TRABD2B: variants seen among roughly 807,000 people sequenced by gnomAD.
TRABD2B encodes the protein TraB domain containing 2B.
TRABD2B carries 14 observed loss-of-function variants against 40.1 expected under a neutral mutation model. The observed-to-expected ratio is 0.35, with a 90% CI of 0.23 to 0.55. The LOEUF (loss-of-function observed/expected upper bound fraction) is 0.55, where lower values mean the gene tolerates loss of function less well. TRABD2B is among the 20% of genes least tolerant of loss of function. The probability of loss-of-function intolerance (pLI) is 0.90; values close to 1 mark genes in which losing one functional copy is unlikely to be tolerated. For synonymous variants in TRABD2B, 263 were observed against 277.0 expected, an observed-to-expected ratio of 0.95 and a Z score of 0.50; for missense variants, 541 against 648.6, an observed-to-expected ratio of 0.83 and a Z score of 1.80.
chr1:47,979,615 C>G (rs1192580852), intron 2 of TRABD2B, among the ~76,000 whole-genome samples: 1 of 152,190 alleles, frequency 6.6e-6, no homozygotes, highest in Admixed American at 6.5e-5. Context: ...GGGGCTGGGG[C>G]GAACATCAGG....
At position 47,769,721 on chromosome 1, in the gene TRABD2B, G is replaced by A. The variant is rs143305700; in HGVS notation, c.1350-3615C>T. On this transcript the variant is annotated intron_variant, in intron 6 of 6. Transcript: ENST00000606738. ...CACAGATGGCTGGCACCAAGAGGCC[G>A]CATCGGCTCTGAGTCAACAGGGACC... is the stretch of plus-strand genomic sequence containing the variant. Among the ~76,000 whole-genome samples the A allele has an allele frequency of 1.0e-3, 156 of 152,366 alleles. 1 individual carries two copies. The highest frequency in any genetic ancestry group is 3.5e-3 in the African/African-American group (144 of 41,588).
chr1:47,956,301 A>C (rs1213940916), intron 2 of TRABD2B, among the ~76,000 whole-genome samples: 1 of 152,200 alleles, frequency 6.6e-6, no homozygotes, highest in African/African-American at 2.4e-5. Flanking sequence ...AGTGACGCAG[A>C]AGACGGGTGA....
chr1:47,876,176 A>G (rs889337313), intron 2 of TRABD2B, among the ~76,000 whole-genome samples: 25 of 152,226 alleles, frequency 1.6e-4, no homozygotes, highest in African/African-American at 5.8e-4. Flanking sequence ...AGCTTGAACA[A>G]GCGCGTCACC....
At chr1:47,971,185 C>A (rs1645677246) in intron 2 of TRABD2B, among the ~76,000 whole-genome samples, 1 of 152,190 alleles carries the variant, frequency 6.6e-6, no homozygotes, top group South Asian at 2.1e-4. Context: ...ACAGTATACT[C>A]CCCCAATACT....
intron 2 of TRABD2B, among the ~76,000 whole-genome samples, chr1:47,983,793 A>G (rs1302904099): frequency 6.6e-6 from 1 of 151,240 alleles, no homozygotes; most frequent in Non-Finnish European, 1.5e-5. Flanking sequence ...GGAACAGACT[A>G]ACACTAGAAG....
At chr1:47,958,551 G>C (rs958064147) in intron 2 of TRABD2B, among the ~76,000 whole-genome samples, 1 of 140,930 alleles carries the variant, frequency 7.1e-6, no homozygotes, top group Admixed American at 7.3e-5. Context: ...AAAAAGCAGG[G>C]GTTGCAATCC....
rs1228355933 is a variant in TRABD2B, at chr1:47,996,579, G to A, written c.102+109C>T. ...CCCGAGGCTGCGCCCGGGGGGTGGAGGTGGAGCGGGCGGGCTAAGGTGGGT... is the reference window on the plus strand; with the variant it reads ...CCCGAGGCTGCGCCCGGGGGGTGGAAGTGGAGCGGGCGGGCTAAGGTGGGT... On this transcript the variant is annotated intron_variant, in intron 1 of 6. Transcript: ENST00000606738. The surrounding 1 kb of genome is among the most constrained non-coding windows in gnomAD (Gnocchi z 4.6). 8.8e-7 allele frequency: 1 copy of A among 1,141,964 alleles called. No homozygotes were observed. The highest frequency in any genetic ancestry group is 4.4e-5 in the South Asian group (1 of 22,592). The allele number at this position is 1,141,964 out of a possible 1,614,324, so 70.7% of individuals were successfully genotyped here.
intron 2 of TRABD2B, among the ~76,000 whole-genome samples, chr1:47,990,339 C>T (rs1439601279): frequency 1.3e-5 from 2 of 152,138 alleles, no homozygotes; most frequent in Non-Finnish European, 2.9e-5. Flanking sequence ...TAGTGGCAGC[C>T]GGTACCAGTC....
At chr1:47,970,645 G>C (rs115758292) in intron 2 of TRABD2B, among the ~76,000 whole-genome samples, 2,060 of 152,274 alleles carry the variant, frequency 0.014, 22 homozygotes, top group Admixed American at 0.024. Context: ...ATTTTCACTT[G>C]CACGTCTGTG....
chr1:47,894,413 A>T (rs1644489945), intron 2 of TRABD2B, among the ~76,000 whole-genome samples: 1 of 152,202 alleles, frequency 6.6e-6, no homozygotes, highest in African/African-American at 2.4e-5. Flanking sequence ...AGTTCTTGTT[A>T]TTCTTATAGC....
chr1:47,888,536 C>A (rs771014351), intron 2 of TRABD2B, among the ~76,000 whole-genome samples: 1 of 152,200 alleles, frequency 6.6e-6, no homozygotes, highest in Non-Finnish European at 1.5e-5. Flanking sequence ...CCTGTCCCTT[C>A]TTCAGATCTC....
chr1:47,996,973 C>A lies in TRABD2B; in HGVS notation c.-184G>T. On this transcript the variant is annotated 5_prime_UTR_variant, in exon 1 of 7. Transcript: ENST00000606738. This position sits in a 1 kb window ranked among gnomAD's most constrained non-coding sequence, Gnocchi z 4.6. The stretch of plus-strand genomic sequence containing the variant: ...CTGGGGGTTTCTCTGGGGCCGGGCT[C>A]CGTCTGTTGGAAGAGGGAGACCCTC... The A allele has an allele frequency of 1.8e-6, 2 of 1,104,668 alleles. No individual in the cohort carries two copies. The highest frequency in any genetic ancestry group is 2.2e-6 in the Non-Finnish European group (2 of 908,046). 68.4% of individuals were successfully genotyped at this position (1,104,668 alleles called of 1,614,324 possible). A position where few individuals can be genotyped will look rare whatever the true frequency, so the allele number is the denominator to read the frequency against.
intron 2 of TRABD2B, among the ~76,000 whole-genome samples, chr1:47,896,980 C>T (rs1644531000): frequency 6.6e-6 from 1 of 152,174 alleles, no homozygotes; most frequent in Admixed American, 6.5e-5. Context: ...ATTCAGCATG[C>T]AACAGGCCCA....
intron 3 of TRABD2B, chr1:47,795,712 T>A: frequency 1.0e-6 from 1 of 985,368 alleles, no homozygotes; most frequent in Non-Finnish European, 1.2e-6. Context: ...TCATCACTTT[T>A]GATTTTCCCA....
chr1:47,992,213 G>A (rs1469941189), intron 2 of TRABD2B, among the ~76,000 whole-genome samples: 1 of 152,186 alleles, frequency 6.6e-6, no homozygotes, highest in Non-Finnish European at 1.5e-5. Flanking sequence ...TAGAATTGGA[G>A]TCTGTTTGAT....
Position 47,996,941 on chromosome 1 carries a change from G to A in TRABD2B, c.-152C>T. On this transcript the variant is annotated 5_prime_UTR_variant, in exon 1 of 7. Transcript: ENST00000606738. This position sits in a 1 kb window ranked among gnomAD's most constrained non-coding sequence, Gnocchi z 4.6. ...CTCTGGGGCGTGGCTGACTGTCCCT[G>A]TCGGACCTGGGGGTTTCTCTGGGGC... is the stretch of plus-strand genomic sequence containing the variant. The A allele has an allele frequency of 8.9e-7, 1 of 1,118,360 alleles. No homozygotes were observed. Among genetic ancestry groups the A allele is most frequent in the Non-Finnish European group, 1.1e-6 (1 of 916,332 alleles). 69.3% of individuals were successfully genotyped at this position (1,118,360 alleles called of 1,614,324 possible). A position where few individuals can be genotyped will look rare whatever the true frequency, so the allele number is the denominator to read the frequency against.
At chr1:47,956,296 C>T (rs1466802289) in intron 2 of TRABD2B, among the ~76,000 whole-genome samples, 1 of 152,138 alleles carries the variant, frequency 6.6e-6, no homozygotes, top group Non-Finnish European at 1.5e-5. Flanking sequence ...GGGTGAGTGA[C>T]GCAGAAGACG....
Position 47,775,310 on chromosome 1 carries a change from T to C in TRABD2B, c.1209A>G (p.Pro403=). ...TPTAPPEDED[P]ALSPHLLLPD... is the part of the protein sequence containing the mutation. The stretch of plus-strand genomic sequence containing the variant: ...GGAGCAGGAGGTGTGGGGACAGGGC[T>C]GGATCCTCATCCTCTGGTGGGGCGG... The change falls in exon 6 of 7, where the codon CCA becomes CCG. Residue 403 remains proline, a synonymous_variant. Coordinates refer to ENST00000606738, the MANE Select transcript of TRABD2B (RefSeq NM_001194986.2). The C allele has an allele frequency of 8.0e-7, 1 of 1,248,694 alleles. No individual in the cohort carries two copies. The highest frequency in any genetic ancestry group is 3.4e-5 in the South Asian group (1 of 29,322). 77.4% of individuals were successfully genotyped at this position (1,248,694 alleles called of 1,614,324 possible). A position where few individuals can be genotyped will look rare whatever the true frequency, so the allele number is the denominator to read the frequency against.
intron 6 of TRABD2B, among the ~76,000 whole-genome samples, chr1:47,771,047 T>C (rs1644371195): frequency 6.6e-6 from 1 of 152,242 alleles, no homozygotes; most frequent in East Asian, 1.9e-4. Context: ...ATCCTGCTTC[T>C]CATTCTCATG....
Sources: allele counts gnomAD v4.1 joint callset (sites outside exome capture counted in the v4.1 genomes callset), GRCh38; gene constraint gnomAD v4.1.1; non-coding constraint Gnocchi (gnomAD v3.1); transcripts MANE v1.5; gene names NCBI Gene and HGNC (gene_info 2026-07-23, HGNC 2026-07-21).